The following GPC5 variants were observed in gnomAD, a reference collection of about 807,000 sequenced individuals.
The protein encoded by GPC5 is glypican 5, also known as glypican-5.
A neutral mutation model predicts 53.9 loss-of-function variants in GPC5; 47 were observed. That is an observed-to-expected ratio of 0.87 (90% confidence interval 0.69 to 1.11). The LOEUF (loss-of-function observed/expected upper bound fraction) is 1.11. GPC5 is among the 50% of genes most tolerant of loss of function. The pLI is 0.00. For synonymous variants in GPC5, 286 were observed against 263.3 expected (o/e 1.09, Z -0.84); for missense variants, 748 against 713.1 (o/e 1.05, Z -0.56).
chr13:91,618,993 T>A (rs902008778), intron 2 of GPC5, among the ~76,000 whole-genome samples: 3 of 152,084 alleles, frequency 2.0e-5, no homozygotes, highest in Admixed American at 2.0e-4. Flanking sequence ...TTACTATTAT[T>A]ATAATTGTAG....
At chr13:92,114,243 T>G (rs575575473) in intron 6 of GPC5, among the ~76,000 whole-genome samples, 3 of 152,194 alleles carry the variant, frequency 2.0e-5, no homozygotes, top group Non-Finnish European at 2.9e-5. Flanking sequence ...CAGGGCCTCA[T>G]TTCCCACCCC....
chr13:92,673,045 A>T (rs1338928749), intron 7 of GPC5, among the ~76,000 whole-genome samples: 1 of 152,184 alleles, frequency 6.6e-6, no homozygotes, highest in Non-Finnish European at 1.5e-5. Flanking sequence ...ATAAAAGTTT[A>T]AAAAGAAAGC....
intron 1 of GPC5, among the ~76,000 whole-genome samples, chr13:91,410,551 T>G (rs1350578205): frequency 1.3e-5 from 2 of 151,670 alleles, no homozygotes; most frequent in Non-Finnish European, 2.9e-5. Flanking sequence ...TTTCACTGTG[T>G]TAGCCAGGAT....
At chr13:91,530,611 T>A (rs1886299718) in intron 2 of GPC5, among the ~76,000 whole-genome samples, 1 of 152,168 alleles carries the variant, frequency 6.6e-6, no homozygotes, top group Admixed American at 6.5e-5. Flanking sequence ...AGCACGCTCT[T>A]TTTATATCTT....
chr13:92,334,045 T>A (rs574703706), intron 7 of GPC5, among the ~76,000 whole-genome samples: 1 of 152,248 alleles, frequency 6.6e-6, no homozygotes, highest in East Asian at 1.9e-4. Context: ...ATGAAAGAAC[T>A]GACAAAACCC....
rs576560724 is a variant in GPC5, at chr13:92,482,505, G to T, written c.1561+337516G>T. On this transcript the variant is annotated intron_variant, in intron 7 of 7. Transcript: ENST00000377067. ...AATCCTTAAGTGACTTACCTCTTTT[G>T]CAGCATTGCTTGTAGAGTAAAAGAT... Among the ~76,000 whole-genome samples, 5 of 152,234 alleles carry T rather than the reference G, an allele frequency of 3.3e-5. No individual in the cohort carries two copies. In the East Asian group the frequency reaches 9.7e-4, roughly 29 times the overall value.
At chr13:92,505,621 G>C (rs1283830344) in intron 7 of GPC5, among the ~76,000 whole-genome samples, 1 of 151,984 alleles carries the variant, frequency 6.6e-6, no homozygotes, top group Non-Finnish European at 1.5e-5. Context: ...GTTTACCCCA[G>C]AAAAATAACT....
At chr13:91,915,269 T>C (rs1404246816) in intron 6 of GPC5, among the ~76,000 whole-genome samples, 4 of 152,172 alleles carry the variant, frequency 2.6e-5, no homozygotes, top group Non-Finnish European at 4.4e-5. Context: ...GCAATTAGTT[T>C]GTCTGAGTAA....
chr13:92,217,698 A>G (rs1469601539), intron 7 of GPC5, among the ~76,000 whole-genome samples: 11 of 152,106 alleles, frequency 7.2e-5, no homozygotes. Flanking sequence ...AAGCATCATT[A>G]TCCCTGAATA....
intron 2 of GPC5, among the ~76,000 whole-genome samples, chr13:91,507,811 C>A (rs1231214721): frequency 1.3e-5 from 2 of 152,168 alleles, no homozygotes; most frequent in Non-Finnish European, 2.9e-5. Context: ...AGTCAGCACT[C>A]ATATTCCAAG....
At chr13:92,633,552 G>T (rs1885324327) in intron 7 of GPC5, among the ~76,000 whole-genome samples, 1 of 151,832 alleles carries the variant, frequency 6.6e-6, no homozygotes, top group Non-Finnish European at 1.5e-5. Context: ...TTTCTAATTG[G>T]CTACTCATTT....
At chr13:92,593,356 T>A (rs1883774617) in intron 7 of GPC5, among the ~76,000 whole-genome samples, 1 of 151,100 alleles carries the variant, frequency 6.6e-6, no homozygotes, top group Non-Finnish European at 1.5e-5. Context: ...TATGTAAATT[T>A]TGAGTGAGTG....
At chr13:91,977,592 T>G (rs1228284094) in intron 6 of GPC5, among the ~76,000 whole-genome samples, 1 of 152,162 alleles carries the variant, frequency 6.6e-6, no homozygotes, top group Non-Finnish European at 1.5e-5. Flanking sequence ...CTAAACACAT[T>G]TGGGAAATAG....
At chr13:91,953,095 G>C (rs945525926) in intron 6 of GPC5, among the ~76,000 whole-genome samples, 2 of 152,108 alleles carry the variant, frequency 1.3e-5, no homozygotes, top group Admixed American at 6.5e-5. Context: ...TTGCAAATGG[G>C]ATGAGGAAAA....
chr13:92,227,928 C>A (rs2042500517), intron 7 of GPC5, among the ~76,000 whole-genome samples: 1 of 152,038 alleles, frequency 6.6e-6, no homozygotes, highest in Non-Finnish European at 1.5e-5. Context: ...TTGATTAACA[C>A]ATTTTGTGTG....
At chr13:92,474,999 A>G (rs1225904317) in intron 7 of GPC5, among the ~76,000 whole-genome samples, 1 of 152,140 alleles carries the variant, frequency 6.6e-6, no homozygotes, top group Non-Finnish European at 1.5e-5. Context: ...TTTGAAGGAA[A>G]TGAGTACAAT....
chr13:92,053,987 G>A (rs891033335), intron 6 of GPC5, among the ~76,000 whole-genome samples: 3 of 151,510 alleles, frequency 2.0e-5, no homozygotes, highest in Admixed American at 6.6e-5. Context: ...AGCTGAGATC[G>A]CGCCACTGCA....
chr13:92,054,140 C>T (rs935683652), intron 6 of GPC5, among the ~76,000 whole-genome samples: 5 of 134,182 alleles, frequency 3.7e-5, no homozygotes, highest in Non-Finnish European at 7.8e-5. Flanking sequence ...TAATAAATTA[C>T]TTTGGAGGGG....
intron 7 of GPC5, among the ~76,000 whole-genome samples, chr13:92,845,197 G>C (rs918856908): frequency 5.3e-5 from 8 of 152,058 alleles, no homozygotes; most frequent in African/African-American, 1.9e-4. Context: ...ATGCAAAACT[G>C]AGGCACGATC....
Sources: gnomAD v4.1 joint callset for allele counts (sites outside exome capture counted in the v4.1 genomes callset) on GRCh38, gnomAD v4.1.1 for gene constraint, MANE v1.5 for transcripts, NCBI Gene and HGNC (gene_info 2026-07-23, HGNC 2026-07-21) for gene names.